The following EHMT1 variants were observed in gnomAD, a reference collection of about 807,000 sequenced individuals.
EHMT1 encodes histone-lysine N-methyltransferase EHMT1.
EHMT1 carries 15 observed loss-of-function variants against 147.2 expected under a neutral mutation model. That is an observed-to-expected ratio of 0.10 (90% CI 0.07 to 0.16). EHMT1 has a LOEUF of 0.16. Ranked by LOEUF, EHMT1 falls within the 10% of genes least tolerant of loss-of-function variation. The pLI, the probability that EHMT1 is intolerant of heterozygous loss-of-function variation, is 1.00. For missense variants in EHMT1, 1,587 were observed against 1,772.4 expected (o/e 0.90, Z 1.88); for synonymous variants, 795 against 709.6 (o/e 1.12, Z -1.91).
At chr9:137,714,718 A>G (rs1273256494) in intron 2 of EHMT1, among the ~76,000 whole-genome samples, 2 of 151,706 alleles carry the variant, frequency 1.3e-5, no homozygotes, top group African/African-American at 2.4e-5. Context: ...ATGCCCGGCT[A>G]ATTTTTTAAT....
chr9:137,762,552 A>G (rs2136353402), intron 9 of EHMT1, 123 bp from the exon 10 acceptor site: 1 of 1,528,076 alleles, frequency 6.5e-7, no homozygotes, highest in South Asian at 1.2e-5. Context: ...GTGCTGGGTA[A>G]TCAACCGCAT....
chr9:137,834,107 C>G, intron 25 of EHMT1: 1 of 595,088 alleles, frequency 1.7e-6, no homozygotes. Context: ...CGCACCACCC[C>G]CACCCCACCA....
Position 137,811,628 on chromosome 9 carries a change from C to T in EHMT1, c.2867+13C>T. ...ACGACTGTGTCGTGTGAGTGCAGTG[C>T]TTCCCCCAGCGCGGGCTGGCGCTGA... On this transcript the variant is annotated intron_variant, in intron 19 of 26. Transcript: ENST00000460843. 3 of 1,599,780 alleles carry T rather than the reference C, an allele frequency of 1.9e-6. No individual in the cohort carries two copies. Among genetic ancestry groups the T allele is most frequent in the East Asian group, 4.5e-5 (2 of 44,880 alleles).
intron 1 of EHMT1, among the ~76,000 whole-genome samples, chr9:137,658,792 A>ATG (rs1338821468): frequency 1.3e-5 from 2 of 151,826 alleles, no homozygotes; most frequent in African/African-American, 4.8e-5. Context: ...TTAAAAAATT[A>ATG]TGTGTGTGTG....
In EHMT1 at chr9:137,633,642, A is replaced by G. The variant is rs554430137; in HGVS notation, c.21+14593A>G. 3.4e-4 allele frequency among the ~76,000 whole-genome samples: 51 copies of G among 152,158 alleles called. 1 individual carries two copies. The South Asian group carries it at 5.6e-3, about 17-fold the overall frequency. On this transcript the variant is annotated intron_variant, in intron 1 of 26. Transcript: ENST00000460843. ...TTGGTATGTCTGGAGTGGTCCAACC[A>G]TTACCACTACTTCCAGATCATTCCG...
intron 16 of EHMT1, among the ~76,000 whole-genome samples, chr9:137,791,556 G>C (rs1952526095): frequency 6.6e-6 from 1 of 152,128 alleles, no homozygotes; most frequent in Non-Finnish European, 1.5e-5. Context: ...TAACCAAGAA[G>C]ACAAAAGACT....
chr9:137,701,126 G>A (rs1014450494), intron 1 of EHMT1, among the ~76,000 whole-genome samples: 7 of 152,032 alleles, frequency 4.6e-5, no homozygotes, highest in Admixed American at 3.3e-4. Flanking sequence ...CAAGGGGAAC[G>A]TCCGCCCCCA....
chr9:137,682,630 A>G (rs1449683328), intron 1 of EHMT1, among the ~76,000 whole-genome samples: 1 of 152,172 alleles, frequency 6.6e-6, no homozygotes, highest in Non-Finnish European at 1.5e-5. Context: ...AGCTTCTGCT[A>G]AAGAGGCCAC....
intron 5 of EHMT1, 105 bp downstream of exon 5, chr9:137,743,633 G>A: frequency 5.9e-6 from 9 of 1,535,418 alleles, no homozygotes; most frequent in Non-Finnish European, 8.0e-6. Flanking sequence ...CCGGGAAGGT[G>A]CCAGTGCCAT....
At chr9:137,669,611 C>T (rs374986913) in intron 1 of EHMT1, among the ~76,000 whole-genome samples, 1 of 151,394 alleles carries the variant, frequency 6.6e-6, no homozygotes, top group African/African-American at 2.4e-5. Context: ...GCTCCAGCAG[C>T]TCTTCCCTGG....
At chr9:137,661,632 C>T (rs147965816) in intron 1 of EHMT1, among the ~76,000 whole-genome samples, 2,049 of 150,730 alleles carry the variant, frequency 0.014, 41 homozygotes, top group African/African-American at 0.047. Context: ...ACTACAGGTG[C>T]GCACCACCAT....
chr9:137,710,722 C>T (rs142948062), intron 1 of EHMT1, among the ~76,000 whole-genome samples: 425 of 152,148 alleles, frequency 2.8e-3, no homozygotes, highest in Middle Eastern at 0.014. Flanking sequence ...TACATGAATG[C>T]GTTCTTATTG....
chr9:137,665,381 C>G (rs1378535687), intron 1 of EHMT1, among the ~76,000 whole-genome samples: 3 of 152,140 alleles, frequency 2.0e-5, no homozygotes, highest in African/African-American at 7.2e-5. Flanking sequence ...GTGCTCGAAC[C>G]TGCGTCGTGC....
chr9:137,635,964 C>A (rs1004922788), intron 1 of EHMT1, among the ~76,000 whole-genome samples: 6 of 151,470 alleles, frequency 4.0e-5, no homozygotes, highest in African/African-American at 1.5e-4. Context: ...CTCTGTCGCC[C>A]AGGCTAGAGT....
At chr9:137,758,054 C>G (rs1483691650) in intron 9 of EHMT1, 43 bp downstream of exon 9, 8 of 1,613,432 alleles carry the variant, frequency 5.0e-6, no homozygotes, top group Admixed American at 1.7e-5. Flanking sequence ...CATCTTGGTC[C>G]TTTGTCTTCT....
At chr9:137,653,954 C>T (rs1013893843) in intron 1 of EHMT1, among the ~76,000 whole-genome samples, 5 of 152,218 alleles carry the variant, frequency 3.3e-5, no homozygotes, top group African/African-American at 4.8e-5. Flanking sequence ...AAACACTTCC[C>T]TGTGCTTTTT....
In EHMT1 at chr9:137,786,752, C is replaced by T. The variant is rs750705572; in HGVS notation, c.2383-4096C>T. On this transcript the variant is annotated intron_variant, in intron 15 of 26. Coordinates refer to ENST00000460843, the MANE Select transcript of EHMT1 (RefSeq NM_024757.5). This position sits in a 1 kb window ranked among gnomAD's most constrained non-coding sequence, Gnocchi z 4.3. ...CGTGTGGCCTCATCTCTCCCGGGCT[C>T]CCGTCTTGGTCATGTGGAGTCATCT... 6.5e-6 allele frequency: 1 copy of T among 153,338 alleles called. No individual in the cohort carries two copies. The highest frequency in any genetic ancestry group is 1.5e-5 in the Non-Finnish European group (1 of 68,902). 9.5% of individuals were successfully genotyped at this position (153,338 alleles called of 1,614,324 possible).
chr9:137,621,719 G>A (rs1842947266), intron 1 of EHMT1, among the ~76,000 whole-genome samples: 1 of 152,118 alleles, frequency 6.6e-6, no homozygotes, highest in East Asian at 1.9e-4. Context: ...AATATGTCCA[G>A]GGTCACTGAG....
chr9:137,792,550 T>TA (rs1267750572), intron 16 of EHMT1, among the ~76,000 whole-genome samples: 1 of 151,822 alleles, frequency 6.6e-6, no homozygotes, highest in East Asian at 1.9e-4. Context: ...ACTAAAAATA[T>TA]AAAAATTAGC....
Sources: allele counts gnomAD v4.1 joint callset (sites outside exome capture counted in the v4.1 genomes callset), GRCh38; gene constraint gnomAD v4.1.1; non-coding constraint Gnocchi (gnomAD v3.1); transcripts MANE v1.5; gene names NCBI Gene and HGNC (gene_info 2026-07-23, HGNC 2026-07-21).